TECPR2: variants seen among roughly 807,000 people sequenced by gnomAD.
The protein encoded by TECPR2 is tectonin beta-propeller repeat-containing protein 2.
A neutral mutation model predicts 138.1 loss-of-function variants in TECPR2; 65 were observed. That is an observed-to-expected ratio of 0.47 (90% confidence interval 0.39 to 0.58). The LOEUF is 0.58. Among genes scored for constraint, TECPR2 ranks in the 20% least tolerant of loss-of-function variants. TECPR2 has a pLI of 0.00. For synonymous variants in TECPR2, 746 were observed against 749.8 expected (o/e 0.99, Z 0.08); for missense variants, 1,553 against 1,824.5 (o/e 0.85, Z 2.71).
intron 17 of TECPR2, among the ~76,000 whole-genome samples, chr14:102,469,512 A>T (rs1890616564): frequency 6.6e-6 from 1 of 152,138 alleles, no homozygotes. Context: ...ATGGTCTGCC[A>T]ATAGAGATAA....
chr14:102,415,651 A>G lies in TECPR2; in HGVS notation c.638+858A>G, dbSNP rs79482375. ...AGACTGGGGCCAACGTGGGGGTGGG[A>G]AGCAGAGGGCGGCATTAGTACAGAT... On this transcript the variant is annotated intron_variant, in intron 5 of 19. Coordinates refer to ENST00000359520, the MANE Select transcript of TECPR2 (RefSeq NM_014844.5). This position sits in a 1 kb window ranked among gnomAD's most constrained non-coding sequence, Gnocchi z 4.3. 0.038 allele frequency among the ~76,000 whole-genome samples: 5,712 copies of G among 152,068 alleles called. 121 individuals carry two copies. The highest frequency in any genetic ancestry group is 0.092 in the Middle Eastern group (27 of 294).
At chr14:102,397,375 C>T (rs1400429780) in intron 2 of TECPR2, among the ~76,000 whole-genome samples, 2 of 152,004 alleles carry the variant, frequency 1.3e-5, no homozygotes, top group African/African-American at 2.4e-5. Flanking sequence ...AAAAAAACAA[C>T]TGAAACTGTG....
intron 1 of TECPR2, among the ~76,000 whole-genome samples, chr14:102,367,562 G>A (rs1382144628): frequency 1.3e-5 from 2 of 152,138 alleles, no homozygotes; most frequent in Non-Finnish European, 2.9e-5. Context: ...GGATTCCTCC[G>A]TGTTGTAGCA....
In TECPR2 at chr14:102,500,439, G is replaced by C. The variant is rs1040153259; in HGVS notation, c.*2182G>C. On this transcript the variant is annotated 3_prime_UTR_variant, in exon 20 of 20. Transcript: ENST00000359520. Reference sequence around the variant, plus strand: ...TGAGGTCCAGGGCTGCCTCCTCATGGAGCTGTGTGTGAGCAGGCGTTGGAG... The same window carrying C: ...TGAGGTCCAGGGCTGCCTCCTCATGCAGCTGTGTGTGAGCAGGCGTTGGAG... 1.3e-5 allele frequency: 2 copies of C among 152,304 alleles called. No homozygotes were observed. Among genetic ancestry groups the C allele is most frequent in the Non-Finnish European group, 2.9e-5 (2 of 68,102 alleles). 9.4% of individuals were successfully genotyped at this position (152,304 alleles called of 1,614,324 possible).
chr14:102,423,366 A>G lies in TECPR2; in HGVS notation c.639-1613A>G, dbSNP rs148209862. ...AGAATCACTTGAACCCAAGAGGGAGAGGTTCCATTGCATTGAGCCCAGATT... is the reference window on the plus strand; with the variant it reads ...AGAATCACTTGAACCCAAGAGGGAGGGGTTCCATTGCATTGAGCCCAGATT... On this transcript the variant is annotated intron_variant, in intron 5 of 19. Transcript: ENST00000359520. Among the ~76,000 whole-genome samples, 489 of 151,960 alleles carry G rather than the reference A, an allele frequency of 3.2e-3. 2 individuals are homozygous for G. The highest frequency in any genetic ancestry group is 0.011 in the African/African-American group (465 of 41,428).
intron 1 of TECPR2, among the ~76,000 whole-genome samples, chr14:102,371,355 C>T (rs139255186): frequency 3.3e-5 from 5 of 152,350 alleles, no homozygotes; most frequent in African/African-American, 1.2e-4. Context: ...TATGCCTTTT[C>T]CTCAGCCCGT....
intron 17 of TECPR2, among the ~76,000 whole-genome samples, chr14:102,478,667 TAAATG>T (rs1890820322): frequency 6.7e-6 from 1 of 150,256 alleles, no homozygotes; most frequent in Non-Finnish European, 1.5e-5. Context: ...AAAAAAGTTT[TAAATG>T]AAGATTATAG....
At chr14:102,407,568 A>G in intron 3 of TECPR2, 102 bp downstream of exon 3, 1 of 1,419,232 alleles carries the variant, frequency 7.0e-7, no homozygotes, top group Admixed American at 2.3e-5. Flanking sequence ...ATGCTCAGAG[A>G]AAGCCGGGCA....
chr14:102,467,012 G>C (rs1469324345), intron 17 of TECPR2, among the ~76,000 whole-genome samples: 1 of 152,036 alleles, frequency 6.6e-6, no homozygotes, highest in Non-Finnish European at 1.5e-5. Context: ...TCCTTTTTAT[G>C]ACTACATCAC....
At position 102,435,190 on chromosome 14, in the gene TECPR2, C is replaced by G. The variant is rs768578616; in HGVS notation, c.2373C>G (p.Ala791=). The G allele has an allele frequency of 1.2e-6, 2 of 1,610,950 alleles. No individual in the cohort carries two copies. Among genetic ancestry groups the G allele is most frequent in the Non-Finnish European group, 1.7e-6 (2 of 1,179,080 alleles). The change falls in exon 9 of 20, where the codon GCC becomes GCG. Residue 791 remains alanine (A), a synonymous_variant. Coordinates refer to ENST00000359520, the MANE Select transcript of TECPR2 (RefSeq NM_014844.5). ...QDLSRLGAED[A]GLLKPDQFAE... is the part of the protein sequence containing the mutation. Reference sequence around the variant, plus strand: ...TGAGCCGGCTGGGTGCAGAGGACGCCGGGCTGCTCAAGCCAGATCAGGTAT... The same window carrying G: ...TGAGCCGGCTGGGTGCAGAGGACGCGGGGCTGCTCAAGCCAGATCAGGTAT...
intron 2 of TECPR2, among the ~76,000 whole-genome samples, chr14:102,384,839 T>C (rs1462209645): frequency 2.7e-5 from 4 of 145,924 alleles, no homozygotes; most frequent in African/African-American, 1.0e-4. Flanking sequence ...CATTTTCTTT[T>C]CCTTTCCTTT....
intron 17 of TECPR2, among the ~76,000 whole-genome samples, chr14:102,481,872 C>T (rs1164965423): frequency 6.6e-6 from 1 of 151,980 alleles, no homozygotes; most frequent in Non-Finnish European, 1.5e-5. Flanking sequence ...CAGCCACCCA[C>T]CTCCCTTCCT....
chr14:102,371,835 A>G (rs1039889882), intron 1 of TECPR2, among the ~76,000 whole-genome samples: 1 of 152,216 alleles, frequency 6.6e-6, no homozygotes, highest in African/African-American at 2.4e-5. Context: ...TAAAAATCAC[A>G]TTCTAGGGGA....
At chr14:102,446,900 T>C (rs1323706274) in intron 13 of TECPR2, among the ~76,000 whole-genome samples, 1 of 152,206 alleles carries the variant, frequency 6.6e-6, no homozygotes. Context: ...GTAATAATGA[T>C]GTTTAATTAT....
chr14:102,394,994 G>A (rs73347485), intron 2 of TECPR2, among the ~76,000 whole-genome samples: 13,201 of 152,204 alleles, frequency 0.087, 756 homozygotes, highest in African/African-American at 0.17. Flanking sequence ...TGTCAGAAAT[G>A]CCTCTGACTG....
intron 17 of TECPR2, among the ~76,000 whole-genome samples, chr14:102,492,031 C>T (rs965257473): frequency 1.3e-5 from 2 of 152,200 alleles, no homozygotes; most frequent in Non-Finnish European, 2.9e-5. Flanking sequence ...TACCATGGAA[C>T]CCAGTCTGGG....
intron 3 of TECPR2, among the ~76,000 whole-genome samples, chr14:102,408,100 C>T (rs796377585): frequency 7.3e-4 from 110 of 151,616 alleles, no homozygotes; most frequent in African/African-American, 2.5e-3. Context: ...ACCCGGGAGG[C>T]AGAGGTCACA....
At chr14:102,399,429 A>G (rs1888409651) in intron 2 of TECPR2, among the ~76,000 whole-genome samples, 2 of 152,174 alleles carry the variant, frequency 1.3e-5, no homozygotes, top group Admixed American at 1.3e-4. Flanking sequence ...GTGAACAAAA[A>G]TGGAGGGAGT....
intron 17 of TECPR2, among the ~76,000 whole-genome samples, chr14:102,466,579 C>G (rs375806384): frequency 6.6e-6 from 1 of 152,174 alleles, no homozygotes; most frequent in South Asian, 2.1e-4. Flanking sequence ...TCTGGTTGCC[C>G]GCACCCAGGT....
Sources: allele counts gnomAD v4.1 joint callset (sites outside exome capture counted in the v4.1 genomes callset), GRCh38; gene constraint gnomAD v4.1.1; non-coding constraint Gnocchi (gnomAD v3.1); transcripts MANE v1.5; gene names NCBI Gene and HGNC (gene_info 2026-07-23, HGNC 2026-07-21).